NXPH1: variants seen among roughly 807,000 people sequenced by gnomAD.
NXPH1 encodes neurexophilin 1.
A neutral mutation model predicts 23.7 loss-of-function variants in NXPH1; 5 were observed. The ratio of observed to expected loss-of-function variants is 0.21; its 90% CI spans 0.11 to 0.44. The LOEUF (loss-of-function observed/expected upper bound fraction) is 0.44. NXPH1 is among the 20% of genes least tolerant of loss of function. The pLI is 0.99. For missense variants in NXPH1, 324 were observed against 321.6 expected, an observed-to-expected ratio of 1.01 and a Z score of -0.06; for synonymous variants, 144 against 122.2, an observed-to-expected ratio of 1.18 and a Z score of -1.18.
At chr7:8,449,853 T>G (rs1816473988) in intron 2 of NXPH1, among the ~76,000 whole-genome samples, 1 of 152,232 alleles carries the variant, frequency 6.6e-6, no homozygotes, top group South Asian at 2.1e-4. Flanking sequence ...TTAAGTAGTT[T>G]TATTAGATGC....
chr7:8,567,072 C>A (rs1242471829), intron 2 of NXPH1, among the ~76,000 whole-genome samples: 1 of 151,850 alleles, frequency 6.6e-6, no homozygotes, highest in Non-Finnish European at 1.5e-5. Context: ...GGAAGCTTTG[C>A]TTTTCTACGA....
intron 2 of NXPH1, among the ~76,000 whole-genome samples, chr7:8,518,008 G>A (rs559757301): frequency 9.4e-4 from 143 of 152,204 alleles, no homozygotes; most frequent in African/African-American, 3.2e-3. Context: ...AAGGTAGACA[G>A]GAAAAGCAAA....
intron 2 of NXPH1, among the ~76,000 whole-genome samples, chr7:8,699,089 T>G (rs1341432695): frequency 6.6e-6 from 1 of 152,114 alleles, no homozygotes; most frequent in East Asian, 1.9e-4. Context: ...ACAGATCAAA[T>G]TTTTTTGGTC....
At chr7:8,468,438 C>T (rs1405167225) in intron 2 of NXPH1, among the ~76,000 whole-genome samples, 3 of 152,100 alleles carry the variant, frequency 2.0e-5, no homozygotes, top group African/African-American at 7.2e-5. Flanking sequence ...CAACAATCTG[C>T]ATCTGTTTTA....
intron 2 of NXPH1, among the ~76,000 whole-genome samples, chr7:8,644,575 AT>A (rs112762667): frequency 0.049 from 7,358 of 150,116 alleles, 391 homozygotes; most frequent in East Asian, 0.17. Flanking sequence ...ATTTTAGACT[AT>A]TTTTTTTTAG....
intron 2 of NXPH1, among the ~76,000 whole-genome samples, chr7:8,544,134 G>C (rs964474536): frequency 6.6e-6 from 1 of 151,662 alleles, no homozygotes; most frequent in Non-Finnish European, 1.5e-5. Context: ...AGTCACACAA[G>C]TGAGAAGATT....
chr7:8,737,333 C>T (rs2115223889), intron 2 of NXPH1, among the ~76,000 whole-genome samples: 1 of 152,230 alleles, frequency 6.6e-6, no homozygotes, highest in East Asian at 1.9e-4. Context: ...CTGGTGGTGA[C>T]AAGATATCTC....
At chr7:8,524,259 A>G (rs924359726) in intron 2 of NXPH1, among the ~76,000 whole-genome samples, 6 of 151,558 alleles carry the variant, frequency 4.0e-5, no homozygotes, top group Non-Finnish European at 1.5e-5. Flanking sequence ...AAAAAAAAAA[A>G]AAAAAGGAAA....
intron 2 of NXPH1, among the ~76,000 whole-genome samples, chr7:8,695,019 A>G (rs1821283725): frequency 6.6e-6 from 1 of 152,226 alleles, no homozygotes; most frequent in African/African-American, 2.4e-5. Flanking sequence ...ATTGGATATA[A>G]TTTTGGATGT....
intron 2 of NXPH1, among the ~76,000 whole-genome samples, chr7:8,520,292 A>G (rs73678047): frequency 0.014 from 2,069 of 152,304 alleles, 37 homozygotes; most frequent in African/African-American, 0.045. Context: ...TTTTCAGACA[A>G]TTCAACAACT....
intron 2 of NXPH1, among the ~76,000 whole-genome samples, chr7:8,440,514 T>G (rs555895413): frequency 6.6e-6 from 1 of 152,330 alleles, no homozygotes; most frequent in African/African-American, 2.4e-5. Context: ...ATGAAAGTGT[T>G]GTCTGGGTGA....
intron 2 of NXPH1, among the ~76,000 whole-genome samples, chr7:8,550,138 GAAT>G (rs1818255769): frequency 6.6e-6 from 1 of 151,596 alleles, no homozygotes; most frequent in African/African-American, 2.4e-5. Flanking sequence ...TGAAAAGCAG[GAAT>G]AGTACAAGCT....
At chr7:8,533,909 A>G (rs928016814) in intron 2 of NXPH1, among the ~76,000 whole-genome samples, 2 of 152,104 alleles carry the variant, frequency 1.3e-5, no homozygotes, top group African/African-American at 4.8e-5. Context: ...TGTTAGAAGT[A>G]TGCCTCAGTT....
chr7:8,694,402 G>A (rs2115185475), intron 2 of NXPH1, among the ~76,000 whole-genome samples: 1 of 152,214 alleles, frequency 6.6e-6, no homozygotes, highest in Non-Finnish European at 1.5e-5. Context: ...GCTTTTGGGG[G>A]AACCACAGGG....
At chr7:8,464,593 C>A (rs1336581539) in intron 2 of NXPH1, among the ~76,000 whole-genome samples, 2 of 152,122 alleles carry the variant, frequency 1.3e-5, no homozygotes, top group African/African-American at 4.8e-5. Flanking sequence ...CTGTAGGAGT[C>A]AAGAAGATCT....
At chr7:8,485,646 T>G (rs964918392) in intron 2 of NXPH1, among the ~76,000 whole-genome samples, 5 of 152,082 alleles carry the variant, frequency 3.3e-5, no homozygotes, top group African/African-American at 1.2e-4. Context: ...TTTGCTTAAG[T>G]GGAGGCGGGG....
intron 2 of NXPH1, among the ~76,000 whole-genome samples, chr7:8,502,960 G>GGT (rs1817460336): frequency 1.3e-5 from 2 of 151,984 alleles, no homozygotes; most frequent in African/African-American, 4.8e-5. Context: ...ACCCATCCAT[G>GGT]GTAAGGGCTG....
chr7:8,523,269 A>T (rs1323118436), intron 2 of NXPH1, among the ~76,000 whole-genome samples: 1 of 152,186 alleles, frequency 6.6e-6, no homozygotes, highest in Non-Finnish European at 1.5e-5. Context: ...GTGCCTCATA[A>T]CAGGCACACT....
intron 2 of NXPH1, among the ~76,000 whole-genome samples, chr7:8,566,873 C>G (rs1024482108): frequency 6.6e-6 from 1 of 151,612 alleles, no homozygotes; most frequent in Non-Finnish European, 1.5e-5. Flanking sequence ...TCTCTCTCAT[C>G]TATCTATCTA....
Sources: allele counts gnomAD v4.1 joint callset (sites outside exome capture counted in the v4.1 genomes callset), GRCh38; gene constraint gnomAD v4.1.1; transcripts MANE v1.5; gene names NCBI Gene and HGNC (gene_info 2026-07-23, HGNC 2026-07-21).